The following ECT2 variants were observed in gnomAD, a reference collection of about 807,000 sequenced individuals.
The protein encoded by ECT2 is epithelial cell transforming 2.
In ECT2, 61 loss-of-function variants were observed where a neutral mutation model predicts 116.9. The observed-to-expected ratio is 0.52, with a 90% CI of 0.42 to 0.65. ECT2 has a LOEUF of 0.65. ECT2 is among the 30% of genes least tolerant of loss of function. The pLI is 0.00. For synonymous variants in ECT2, 358 were observed against 346.4 expected, an observed-to-expected ratio of 1.03 and a Z score of -0.37; for missense variants, 937 against 1,078.7, an observed-to-expected ratio of 0.87 and a Z score of 1.84.
chr3:172,829,210 C>A, the ECT2 span: 1 of 361,592 alleles, frequency 2.8e-6, no homozygotes, highest in Non-Finnish European at 5.1e-6. Context: ...GGTCTCGGCG[C>A]CCAGCCAAAA....
At chr3:172,753,562 A>G (rs1441712341) in intron 1 of ECT2, among the ~76,000 whole-genome samples, 1 of 152,228 alleles carries the variant, frequency 6.6e-6, no homozygotes, top group Non-Finnish European at 1.5e-5. Flanking sequence ...TTTTTAAAGA[A>G]TTATGAAAAT....
chr3:172,812,182 C>T lies in ECT2; in HGVS notation c.2401-3422C>T, dbSNP rs564817496. 2.0e-5 allele frequency among the ~76,000 whole-genome samples: 3 copies of T among 152,222 alleles called. No individual in the cohort carries two copies. In the South Asian group the frequency reaches 6.2e-4, roughly 32 times the overall value. On this transcript the variant is annotated intron_variant, in intron 22 of 24. Transcript: ENST00000392692. The stretch of plus-strand genomic sequence containing the variant: ...TATTTTTAGTAGAGACGGGGTTTCA[C>T]CGTGTTGGCCAGCCACGCTGGTCTT...
At chr3:172,825,555 G>A (rs1057474438), downstream of ECT2, among the ~76,000 whole-genome samples, 2 of 152,098 alleles carry the variant, frequency 1.3e-5, no homozygotes, top group Admixed American at 1.3e-4. Flanking sequence ...TTGCTGATAC[G>A]AAGAAAGTTT....
At chr3:172,809,202 G>A (rs753915893) in intron 22 of ECT2, among the ~76,000 whole-genome samples, 2 of 151,940 alleles carry the variant, frequency 1.3e-5, no homozygotes, top group Non-Finnish European at 2.9e-5. Flanking sequence ...AGTTTATAGA[G>A]TCCTTTCCAA....
Position 172,762,937 on chromosome 3 carries a change from G to T in ECT2, c.1033G>T (p.Ala345Ser), listed in dbSNP as rs1288929341. 6.2e-7 allele frequency: 1 copy of T among 1,613,776 alleles called. No individual in the cohort carries two copies. Among genetic ancestry groups the T allele is most frequent in the African/African-American group, 1.3e-5 (1 of 75,008 alleles). The change falls in exon 11 of 25, where the codon GCC (alanine) becomes TCC (serine). Residue 345 changes from alanine (A) to serine (S), a missense_variant. Ala to Ser is a moderately conservative substitution (Grantham distance 99). Transcript: ENST00000392692. ...EWFWGSIQMDARAGETMYLYE... is the reference protein window; with the variant it reads ...EWFWGSIQMDSRAGETMYLYE... Reference sequence around the variant, plus strand: ...GTTCTGGGGAAGCATTCAAATGGATGCCCGAGCTGGAGAAACTATGTATTT... The same window carrying T: ...GTTCTGGGGAAGCATTCAAATGGATTCCCGAGCTGGAGAAACTATGTATTT...
At chr3:172,805,900 TA>T (rs751231076) in intron 21 of ECT2, 31 bp downstream of exon 21, 2 of 1,599,642 alleles carry the variant, frequency 1.3e-6, no homozygotes, top group Admixed American at 3.5e-5. Flanking sequence ...CTTGGTTATA[TA>T]AAAATAGTTT....
At chr3:172,816,889 G>T in intron 24 of ECT2, 52 bp downstream of exon 24, 1 of 1,372,684 alleles carries the variant, frequency 7.3e-7, no homozygotes, top group East Asian at 2.5e-5. Flanking sequence ...AAGTTGTTAT[G>T]GAATTTGTTA....
downstream of ECT2, among the ~76,000 whole-genome samples, chr3:172,823,519 T>G (rs373507834): frequency 2.7e-3 from 407 of 152,272 alleles, 2 homozygotes; most frequent in African/African-American, 9.2e-3. Flanking sequence ...AATATAAAAA[T>G]GACTGCAACC....
chr3:172,789,220 GTTT>G (rs71162311), intron 18 of ECT2, among the ~76,000 whole-genome samples: 18 of 108,868 alleles, frequency 1.7e-4, no homozygotes, highest in Non-Finnish European at 2.4e-4. Flanking sequence ...CTCTTTTTTT[GTTT>G]TTTTTTTTTT....
chr3:172,807,160 G>A (rs1047497599), intron 21 of ECT2, among the ~76,000 whole-genome samples: 1 of 152,130 alleles, frequency 6.6e-6, no homozygotes, highest in African/African-American at 2.4e-5. Context: ...ATCTTCCTAT[G>A]TACTGTAAGT....
rs147516673 is a variant in ECT2 at position 172,792,277 on chromosome 3, G to A, written c.1907+5703G>A. On this transcript the variant is annotated intron_variant, in intron 18 of 24. Transcript: ENST00000392692. Reference sequence around the variant, plus strand: ...AGTAAGCATGTACTGTTAGAAAAATGACATGATAGACCTACTTGACACAGG... The same window carrying A: ...AGTAAGCATGTACTGTTAGAAAAATAACATGATAGACCTACTTGACACAGG... Among the ~76,000 whole-genome samples, 407 of 152,296 alleles carry A rather than the reference G, an allele frequency of 2.7e-3. 2 individuals are homozygous for A. The highest frequency in any genetic ancestry group is 9.2e-3 in the African/African-American group (383 of 41,558).
intron 14 of ECT2, 108 bp from the exon 15 acceptor site, chr3:172,782,055 A>T: frequency 1.9e-6 from 1 of 513,488 alleles, no homozygotes; most frequent in Non-Finnish European, 3.3e-6. Context: ...ACATCAAATT[A>T]AGACACTTTG....
downstream of ECT2, among the ~76,000 whole-genome samples, chr3:172,825,852 A>G (rs116394332): frequency 5.0e-3 from 756 of 152,314 alleles, 5 homozygotes; most frequent in African/African-American, 0.017. Flanking sequence ...CAGATTTTCA[A>G]TGTAGATGAA....
chr3:172,756,940 A>G (rs1401190746), intron 4 of ECT2, 43 bp from the exon 5 acceptor site: 12 of 1,453,826 alleles, frequency 8.3e-6, no homozygotes, highest in South Asian at 1.3e-5. Flanking sequence ...GGATTATTTG[A>G]TATATAAATA....
chr3:172,803,467 A>G (rs1417040038), intron 20 of ECT2, among the ~76,000 whole-genome samples: 1 of 152,150 alleles, frequency 6.6e-6, no homozygotes, highest in Non-Finnish European at 1.5e-5. Context: ...GGTGGGGTAT[A>G]ATGAATCTAA....
rs755433206 is a variant in ECT2, at chr3:172,807,755, A to T, written c.2246-15A>T. ...GGAGTGACACTTAATGTTTATGGTT[A>T]TTCTGGAACCCTAGATTGCCATAAT... On this transcript the variant is annotated splice_polypyrimidine_tract_variant and intron_variant, in intron 21 of 24. Transcript: ENST00000392692. 1 of 1,606,520 alleles carries T rather than the reference A, an allele frequency of 6.2e-7. No homozygotes were observed. The highest frequency in any genetic ancestry group is 1.3e-5 in the African/African-American group (1 of 74,646).
chr3:172,778,505 C>G (rs945885160), intron 14 of ECT2, among the ~76,000 whole-genome samples: 1 of 150,812 alleles, frequency 6.6e-6, no homozygotes, highest in South Asian at 2.1e-4. Context: ...AATACTGGTT[C>G]ACAGCTGTGT....
At chr3:172,799,702 A>G (rs566439110) in intron 18 of ECT2, among the ~76,000 whole-genome samples, 1 of 152,324 alleles carries the variant, frequency 6.6e-6, no homozygotes, top group Non-Finnish European at 1.5e-5. Flanking sequence ...TCCAGTACCC[A>G]CAATGGTCTT....
intron 14 of ECT2, among the ~76,000 whole-genome samples, chr3:172,778,907 C>A (rs556561587): frequency 6.6e-6 from 1 of 152,170 alleles, no homozygotes; most frequent in African/African-American, 2.4e-5. Flanking sequence ...AGACAGCAAT[C>A]TTTATTCAAC....
Sources: allele counts gnomAD v4.1 joint callset (sites outside exome capture counted in the v4.1 genomes callset), GRCh38; gene constraint gnomAD v4.1.1; transcripts MANE v1.5; gene names NCBI Gene and HGNC (gene_info 2026-07-23, HGNC 2026-07-21).